The following SLCO4A1 variants were observed in gnomAD, a reference collection of about 807,000 sequenced individuals.
SLCO4A1 encodes the protein colon organic anion transporter.
Under a neutral mutation model 64.6 loss-of-function variants are expected in SLCO4A1, and 51 were observed. The ratio of observed to expected loss-of-function variants is 0.79; its 90% CI spans 0.63 to 1.00. The LOEUF is 1.00. Ranked by LOEUF, SLCO4A1 falls within the 50% of genes least tolerant of loss-of-function variation. The pLI, the probability that SLCO4A1 is intolerant of heterozygous loss-of-function variation, is 0.00. For synonymous variants in SLCO4A1, 471 were observed against 444.9 expected (o/e 1.06, Z -0.74); for missense variants, 919 against 980.5 (o/e 0.94, Z 0.84).
At chr20:62,648,236 G>A (rs1243557651) in intron 1 of SLCO4A1, among the ~76,000 whole-genome samples, 2 of 152,272 alleles carry the variant, frequency 1.3e-5, no homozygotes, top group African/African-American at 4.8e-5. Flanking sequence ...CCAGGGAAAG[G>A]GCAGCTGGCT....
intron 4 of SLCO4A1, 129 bp from the exon 5 acceptor site, chr20:62,660,935 G>T (rs945959840): frequency 1.5e-5 from 10 of 666,884 alleles, no homozygotes; most frequent in African/African-American, 1.4e-4. Context: ...TGCGAGGGCT[G>T]CAGGGATGTC....
At chr20:62,670,685 C>T (rs1601680870) in intron 11 of SLCO4A1, among the ~76,000 whole-genome samples, 2 of 152,350 alleles carry the variant, frequency 1.3e-5, no homozygotes, top group African/African-American at 4.8e-5. Flanking sequence ...GAGCAGCAGG[C>T]TGAGAGCCCT....
At chr20:62,660,977 A>G in intron 4 of SLCO4A1, 87 bp from the exon 5 acceptor site, 1 of 897,212 alleles carries the variant, frequency 1.1e-6, no homozygotes, top group Non-Finnish European at 1.7e-6. Flanking sequence ...GGGGAGGGGC[A>G]GAGGAGTGGG....
chr20:62,646,129 CT>C (rs1981282702), intron 1 of SLCO4A1, among the ~76,000 whole-genome samples: 1 of 152,182 alleles, frequency 6.6e-6, no homozygotes, highest in African/African-American at 2.4e-5. Flanking sequence ...CCTTCTGGGT[CT>C]TGTCTCTCCC....
chr20:62,671,821 G>A lies in SLCO4A1; in HGVS notation c.2097G>A (p.Leu699=), dbSNP rs1432188468. Residue 699 remains leucine (L), a synonymous_variant, in exon 12 of 12, where the codon CTG becomes CTA. Transcript: ENST00000217159. ...CCCTGTCGGAGTCTTCAGATGGCCT[G>A]GAAACTTGTCTGCCCAGCCAGTCCT... The part of the protein sequence containing the change: ...YKPLSESSDG[L]ETCLPSQSSA... The A allele has an allele frequency of 5.6e-6, 9 of 1,613,516 alleles. No individual in the cohort carries two copies. The highest frequency in any genetic ancestry group is 1.6e-4 in the Middle Eastern group (1 of 6,062).
rs1986884028 is a variant in SLCO4A1, at chr20:62,669,087, G to A, written c.2025+9G>A. 1.9e-6 allele frequency: 3 copies of A among 1,607,478 alleles called. No individual in the cohort carries two copies. The highest frequency in any genetic ancestry group is 1.7e-5 in the Admixed American group (1 of 60,006). On this transcript the variant is annotated intron_variant, in intron 11 of 11. Transcript: ENST00000217159. ...TGGGGCTCCTGTACAAGGTAAGCAG[G>A]CCCAGGGAGGGGACAGAGGGTCTGC... is the stretch of plus-strand genomic sequence containing the variant.
At chr20:62,642,916 T>TGGGCAGGTGGCCC (rs1980640124) in intron 1 of SLCO4A1, 1 of 444,516 alleles carries the variant, frequency 2.2e-6, no homozygotes, top group Non-Finnish European at 4.6e-6. Context: ...GCAGGTGACC[T>TGGGCAGGTGGCCC]GGGCAGGTGG....
rs3827146 is a variant in SLCO4A1 at position 62,665,211 on chromosome 20, G to A, written c.1276+123G>A. 1.3e-4 allele frequency: 148 copies of A among 1,130,692 alleles called. 1 individual carries two copies. The East Asian group carries it at 3.1e-3, about 23-fold the overall frequency. The allele number at this position is 1,130,692 out of a possible 1,614,324, so 70.0% of individuals were successfully genotyped here. Reference sequence around the variant, plus strand: ...TGGCAGTGAGTGCCCTCCCACCCCCGCTGCCAGAGCAGGTGTGGAGAGCGC... The same window carrying A: ...TGGCAGTGAGTGCCCTCCCACCCCCACTGCCAGAGCAGGTGTGGAGAGCGC... On this transcript the variant is annotated intron_variant, in intron 6 of 11. Transcript: ENST00000217159.
At chr20:62,675,017 TG>T (rs1306361866), downstream of SLCO4A1, among the ~76,000 whole-genome samples, 3 of 152,142 alleles carry the variant, frequency 2.0e-5, no homozygotes, top group Non-Finnish European at 2.9e-5. Context: ...GACTCCGGTC[TG>T]GGGGCTCCAA....
intron 1 of SLCO4A1, 60 bp from the exon 2 acceptor site, chr20:62,656,298 TC>T: frequency 1.5e-6 from 1 of 645,522 alleles, no homozygotes; most frequent in Non-Finnish European, 2.6e-6. Flanking sequence ...GAATGTTCCC[TC>T]CTGGATGTGC....
intron 2 of SLCO4A1, among the ~76,000 whole-genome samples, chr20:62,657,687 T>G (rs535211573): frequency 1.3e-5 from 2 of 152,274 alleles, no homozygotes; most frequent in African/African-American, 4.8e-5. Flanking sequence ...CACCCATGTT[T>G]CCCTGAAAGC....
intron 7 of SLCO4A1, 84 bp from the exon 8 acceptor site, chr20:62,667,661 G>C: frequency 6.8e-7 from 1 of 1,473,384 alleles, no homozygotes; most frequent in Non-Finnish European, 9.2e-7. Context: ...GCATGGGGAC[G>C]AGCCCCATGG....
chr20:62,660,273 A>AC (rs1984516344), intron 3 of SLCO4A1, 139 bp from the exon 4 acceptor site: 1 of 939,666 alleles, frequency 1.1e-6, no homozygotes, highest in African/African-American at 1.7e-5. Context: ...GGCCAGCAGC[A>AC]CCAGGGGCCT....
chr20:62,688,133 C>T (rs541464277), downstream of SLCO4A1, among the ~76,000 whole-genome samples: 2 of 152,266 alleles, frequency 1.3e-5, no homozygotes, highest in East Asian at 1.9e-4. Context: ...CACACACACA[C>T]GTGCACACAT....
chr20:62,676,593 C>A (rs535120060), downstream of SLCO4A1, among the ~76,000 whole-genome samples: 1 of 152,204 alleles, frequency 6.6e-6, no homozygotes, highest in Non-Finnish European at 1.5e-5. Context: ...AAAGCCACAG[C>A]GCTGACCGTA....
At chr20:62,643,182 C>T (rs1296753409) in intron 1 of SLCO4A1, 3 of 351,750 alleles carry the variant, frequency 8.5e-6, no homozygotes, top group Non-Finnish European at 1.8e-5. Flanking sequence ...CCTTTCCCTG[C>T]CCCACCACGC....
rs1021942364 is a variant in SLCO4A1 at position 62,642,669 on chromosome 20, G to T, written c.-97+116G>T. 3.6e-5 allele frequency: 6 copies of T among 166,214 alleles called. No homozygotes were observed. The South Asian group carries it at 7.8e-4, about 22-fold the overall frequency. 10.3% of individuals were successfully genotyped at this position (166,214 alleles called of 1,614,324 possible). On this transcript the variant is annotated intron_variant, in intron 1 of 11. Transcript: ENST00000217159. ...GGGCTGGAGCGCCGGGGGGATGCGC[G>T]CGGGGGCGGGAGGCCTGGGCACCGG...
intron 2 of SLCO4A1, among the ~76,000 whole-genome samples, 187 bp from the exon 3 acceptor site, chr20:62,658,490 A>T (rs909680614): frequency 1.3e-5 from 2 of 152,224 alleles, no homozygotes; most frequent in African/African-American, 4.8e-5. Context: ...TTAAAGATTG[A>T]TGCTGACCCA....
At chr20:62,666,718 C>T in intron 7 of SLCO4A1, 143 bp downstream of exon 7, 1 of 705,218 alleles carries the variant, frequency 1.4e-6, no homozygotes, top group South Asian at 1.7e-5. Flanking sequence ...GCAACACCCG[C>T]TCAGCAGGGC....
Sources: allele counts gnomAD v4.1 joint callset (sites outside exome capture counted in the v4.1 genomes callset), GRCh38; gene constraint gnomAD v4.1.1; transcripts MANE v1.5; gene names NCBI Gene and HGNC (gene_info 2026-07-23, HGNC 2026-07-21).